The following PLPPR1 variants were observed in gnomAD, a reference collection of about 807,000 sequenced individuals.
The protein encoded by PLPPR1 is phospholipid phosphatase-related protein type 1.
PLPPR1 carries 10 observed loss-of-function variants against 33.1 expected under a neutral mutation model. The observed-to-expected ratio is 0.30, with a 90% CI of 0.19 to 0.51. PLPPR1 has a LOEUF of 0.51. Among genes scored for constraint, PLPPR1 ranks in the 20% least tolerant of loss-of-function variants. The pLI is 0.97. For synonymous variants in PLPPR1, 151 were observed against 151.0 expected (o/e 1.00, Z 0.00); for missense variants, 304 against 408.1 (o/e 0.74, Z 2.20).
chr9:101,287,611 C>T (rs1269534004), intron 4 of PLPPR1, among the ~76,000 whole-genome samples: 3 of 152,206 alleles, frequency 2.0e-5, no homozygotes, highest in Non-Finnish European at 2.9e-5. Flanking sequence ...AGCGATTCTC[C>T]TGTCTCAGCC....
intron 2 of PLPPR1, among the ~76,000 whole-genome samples, chr9:101,262,492 C>A (rs561398374): frequency 6.6e-6 from 1 of 152,172 alleles, no homozygotes; most frequent in East Asian, 1.9e-4. Context: ...AGAACAGTAT[C>A]ATCAGGAAAC....
At chr9:101,231,007 G>A (rs918252704) in intron 2 of PLPPR1, among the ~76,000 whole-genome samples, 4 of 152,028 alleles carry the variant, frequency 2.6e-5, no homozygotes, top group African/African-American at 4.8e-5. Context: ...GCAGGAGGTT[G>A]TTATTCCTCA....
chr9:101,137,927 G>C (rs965139428), intron 1 of PLPPR1, among the ~76,000 whole-genome samples: 2 of 152,164 alleles, frequency 1.3e-5, no homozygotes, highest in Admixed American at 1.3e-4. Context: ...ATAAGCAAGT[G>C]GCCGATGCAG....
At chr9:101,237,329 C>T (rs1012770679) in intron 2 of PLPPR1, among the ~76,000 whole-genome samples, 4 of 151,528 alleles carry the variant, frequency 2.6e-5, no homozygotes, top group African/African-American at 7.3e-5. Flanking sequence ...GGTGTCTACC[C>T]TAAGGAAAAT....
At chr9:101,234,371 T>C (rs1450006391) in intron 2 of PLPPR1, among the ~76,000 whole-genome samples, 1 of 151,822 alleles carries the variant, frequency 6.6e-6, no homozygotes, top group Non-Finnish European at 1.5e-5. Context: ...TGTGGAGAGT[T>C]TTAATGGCTA....
intron 2 of PLPPR1, among the ~76,000 whole-genome samples, chr9:101,196,689 G>A (rs1183028164): frequency 3.9e-5 from 6 of 152,060 alleles, no homozygotes; most frequent in African/African-American, 1.2e-4. Context: ...GTGAAACCAC[G>A]TCTCTACTAA....
intron 2 of PLPPR1, among the ~76,000 whole-genome samples, chr9:101,209,293 C>G (rs1826645527): frequency 6.6e-6 from 1 of 152,214 alleles, no homozygotes; most frequent in Non-Finnish European, 1.5e-5. Flanking sequence ...AATGAATAAA[C>G]TAAGCATGAG....
chr9:101,034,157 A>AT (rs1381922308), intron 1 of PLPPR1, among the ~76,000 whole-genome samples: 120 of 152,240 alleles, frequency 7.9e-4, no homozygotes, highest in African/African-American at 2.9e-3. Flanking sequence ...TCTCAAGTGC[A>AT]TTTTTTATCA....
chr9:101,293,755 C>T (rs1033967697), intron 4 of PLPPR1, among the ~76,000 whole-genome samples: 21 of 152,046 alleles, frequency 1.4e-4, no homozygotes, highest in African/African-American at 3.9e-4. Flanking sequence ...TTGAAACCAA[C>T]GAGAACAAAG....
In PLPPR1 at chr9:101,195,207, G is replaced by T. The variant is rs560763714; in HGVS notation, c.63+9650G>T. Among the ~76,000 whole-genome samples, 5 of 152,222 alleles carry T rather than the reference G, an allele frequency of 3.3e-5. No homozygotes were observed. The South Asian group carries it at 1.0e-3, about 32-fold the overall frequency. ...CTTCATATTTAATTGATATAGGTCA[G>T]TTCCACTCACATTTCGTTAGCCAAA... On this transcript the variant is annotated intron_variant, in intron 2 of 7. Coordinates refer to ENST00000374874, the MANE Select transcript of PLPPR1 (RefSeq NM_207299.2).
chr9:101,132,477 G>T (rs962107587), intron 1 of PLPPR1, among the ~76,000 whole-genome samples: 15 of 152,146 alleles, frequency 9.9e-5, no homozygotes, highest in African/African-American at 3.6e-4. Context: ...AGACAATAAG[G>T]AGGTCAGTGG....
At chr9:101,203,714 C>G (rs371376283) in intron 2 of PLPPR1, among the ~76,000 whole-genome samples, 1 of 117,034 alleles carries the variant, frequency 8.5e-6, no homozygotes, top group Admixed American at 8.9e-5. Flanking sequence ...TATCTATATA[C>G]ACATTATATA....
At position 101,148,333 on chromosome 9, in the gene PLPPR1, C is replaced by T. The variant is rs370859094; in HGVS notation, c.-45-37117C>T. ...CCCGGTCATTTGCCTTGCAATGAAA[C>T]TACATATACAACTCCTGCAAAAAGC... On this transcript the variant is annotated intron_variant, in intron 1 of 7. Coordinates refer to ENST00000374874, the MANE Select transcript of PLPPR1 (RefSeq NM_207299.2). 2.0e-3 allele frequency among the ~76,000 whole-genome samples: 304 copies of T among 152,280 alleles called. 2 individuals are homozygous for T. Among genetic ancestry groups the T allele is most frequent in the African/African-American group, 7.0e-3 (290 of 41,572 alleles).
At chr9:101,045,253 T>G (rs1830130945) in intron 1 of PLPPR1, among the ~76,000 whole-genome samples, 1 of 152,202 alleles carries the variant, frequency 6.6e-6, no homozygotes, top group East Asian at 1.9e-4. Context: ...AAAATTCAAC[T>G]GGATGAATAG....
rs541019351 is a variant in PLPPR1, at chr9:101,305,263, AAG to A, written c.386-3940_386-3939del. Among the ~76,000 whole-genome samples the A allele has an allele frequency of 1.6e-4, 25 of 152,118 alleles. 1 individual carries two copies. The South Asian group carries it at 2.3e-3, about 14-fold the overall frequency. On this transcript the variant is annotated intron_variant, in intron 4 of 7. Coordinates refer to ENST00000374874, the MANE Select transcript of PLPPR1 (RefSeq NM_207299.2). Reference sequence around the variant, plus strand: ...CAAGTGTGTGTATGTGTGTGAGAAAAAGAGAGAGATTAAACATACTCCATATG... The same window carrying A: ...CAAGTGTGTGTATGTGTGTGAGAAAAAGAGAGATTAAACATACTCCATATG...
At chr9:101,181,682 A>G (rs1423816950) in intron 1 of PLPPR1, among the ~76,000 whole-genome samples, 3 of 147,374 alleles carry the variant, frequency 2.0e-5, no homozygotes. Flanking sequence ...ATATGTATAT[A>G]CACACACACA....
chr9:101,251,344 G>T (rs544976207), intron 2 of PLPPR1, among the ~76,000 whole-genome samples: 43 of 152,176 alleles, frequency 2.8e-4, no homozygotes, highest in Admixed American at 2.7e-3. Flanking sequence ...TATTATGAGA[G>T]AGTAAGCTAG....
At chr9:101,111,215 A>G (rs1403279519) in intron 1 of PLPPR1, among the ~76,000 whole-genome samples, 1 of 152,124 alleles carries the variant, frequency 6.6e-6, no homozygotes, top group South Asian at 2.1e-4. Context: ...TCTAAAGAAC[A>G]AGTGTTATTG....
At chr9:101,116,016 A>G (rs886377619) in intron 1 of PLPPR1, among the ~76,000 whole-genome samples, 2 of 152,216 alleles carry the variant, frequency 1.3e-5, no homozygotes, top group Admixed American at 6.5e-5. Flanking sequence ...ATTCTGTAGA[A>G]GCACAAAACT....
Sources: gnomAD v4.1 joint callset for allele counts (sites outside exome capture counted in the v4.1 genomes callset) on GRCh38, gnomAD v4.1.1 for gene constraint, MANE v1.5 for transcripts, NCBI Gene and HGNC (gene_info 2026-07-23, HGNC 2026-07-21) for gene names.